Variants in DZIP3 observed in about 807,000 individuals in gnomAD.
DZIP3 encodes the protein E3 ubiquitin-protein ligase DZIP3.
Under a neutral mutation model 162.0 loss-of-function variants are expected in DZIP3, and 118 were observed. The ratio of observed to expected loss-of-function variants is 0.73; its 90% CI spans 0.63 to 0.85. The LOEUF (loss-of-function observed/expected upper bound fraction) is 0.85. Ranked by LOEUF, DZIP3 falls within the 40% of genes least tolerant of loss-of-function variation. DZIP3 has a pLI of 0.00. For synonymous variants in DZIP3, 438 were observed against 458.6 expected, an observed-to-expected ratio of 0.96 and a Z score of 0.57; for missense variants, 1,331 against 1,407.0, an observed-to-expected ratio of 0.95 and a Z score of 0.86.
At chr3:108,607,675 G>A (rs923820951) in intron 2 of DZIP3, among the ~76,000 whole-genome samples, 1 of 152,066 alleles carries the variant, frequency 6.6e-6, no homozygotes, top group Admixed American at 6.6e-5. Flanking sequence ...TGTAAGTTTA[G>A]GAACCCCAAA....
At chr3:108,668,790 A>G (rs1463645796) in intron 21 of DZIP3, among the ~76,000 whole-genome samples, 2 of 151,966 alleles carry the variant, frequency 1.3e-5, no homozygotes, top group Non-Finnish European at 2.9e-5. Context: ...AGTCTCTGAA[A>G]TCTGGTAGTG....
At chr3:108,595,219 G>A (rs1939647430) in intron 1 of DZIP3, among the ~76,000 whole-genome samples, 1 of 152,070 alleles carries the variant, frequency 6.6e-6, no homozygotes, top group African/African-American at 2.4e-5. Context: ...TGTTGTTGTT[G>A]TTGTTGTTTT....
chr3:108,631,962 T>C (rs963533079), intron 8 of DZIP3, among the ~76,000 whole-genome samples: 4 of 152,094 alleles, frequency 2.6e-5, no homozygotes, highest in Admixed American at 2.6e-4. Flanking sequence ...ACTGAGTCTC[T>C]AATTTTCTTA....
chr3:108,617,138 C>T (rs1559729804), intron 5 of DZIP3, among the ~76,000 whole-genome samples: 1 of 151,880 alleles, frequency 6.6e-6, no homozygotes, highest in Non-Finnish European at 1.5e-5. Flanking sequence ...AGATGTTGGT[C>T]AAAAGATACA....
chr3:108,674,484 A>G (rs1382071571), intron 24 of DZIP3, among the ~76,000 whole-genome samples: 2 of 151,934 alleles, frequency 1.3e-5, no homozygotes, highest in African/African-American at 2.4e-5. Flanking sequence ...ATGTACAATA[A>G]TAGCTGCTGA....
intron 26 of DZIP3, among the ~76,000 whole-genome samples, chr3:108,682,316 C>T (rs1944349765): frequency 6.6e-6 from 1 of 150,946 alleles, no homozygotes; most frequent in Non-Finnish European, 1.5e-5. Flanking sequence ...GAAGAGACAC[C>T]TGCACTCCTA....
chr3:108,589,617 C>T, upstream of DZIP3: 1 of 383,786 alleles, frequency 2.6e-6, no homozygotes, highest in Non-Finnish European at 4.8e-6. Context: ...CCCGCTAACC[C>T]ACCCTCGTCT....
In DZIP3 at chr3:108,654,624, A is replaced by T. The variant is rs539305946; in HGVS notation, c.2199+314A>T. ...ACAAAGGAAAAAAAAAGACTAGCAT[A>T]ATCCTACTAGATTACATGTCATGAG... On this transcript the variant is annotated intron_variant, in intron 19 of 32. Coordinates refer to ENST00000361582, the MANE Select transcript of DZIP3 (RefSeq NM_014648.4). 8.5e-5 allele frequency among the ~76,000 whole-genome samples: 13 copies of T among 152,308 alleles called. No homozygotes were observed. In the East Asian group the frequency reaches 2.5e-3, roughly 29 times the overall value.
rs1408061260 is a variant in DZIP3, at chr3:108,636,676, C to A, written c.979C>A (p.Gln327Lys). The change falls in exon 11 of 33, where the codon CAA becomes AAA. Residue 327 changes from glutamine to lysine, a missense_variant. By Grantham distance (53) the Gln-to-Lys change is moderately conservative. Transcript: ENST00000361582. ...GCTGDMVRML[Q>K]CDVPGIVKIL... ...TACAGGTGACATGGTAAGGATGCTG[C>A]AATGTGATGTACCTGGAATTGTTAA... The A allele has an allele frequency of 1.9e-6, 3 of 1,584,694 alleles. No homozygotes were observed. Among genetic ancestry groups the A allele is most frequent in the Non-Finnish European group, 1.7e-6 (2 of 1,170,842 alleles).
At chr3:108,597,239 C>T (rs757152460) in intron 1 of DZIP3, among the ~76,000 whole-genome samples, 2 of 152,298 alleles carry the variant, frequency 1.3e-5, no homozygotes, top group Non-Finnish European at 2.9e-5. Context: ...TTTCACTTTT[C>T]AAACAGTTTC....
intron 31 of DZIP3, 114 bp downstream of exon 31, chr3:108,689,038 C>G (rs1255448755): frequency 5.8e-6 from 6 of 1,033,112 alleles, no homozygotes; most frequent in Non-Finnish European, 5.8e-6. Context: ...CTGGATATAA[C>G]TCTGAGCTTT....
At chr3:108,602,770 G>C (rs1393226188) in intron 1 of DZIP3, 1 of 152,092 alleles carries the variant, frequency 6.6e-6, no homozygotes, top group Non-Finnish European at 1.5e-5. Flanking sequence ...CGCCTTTCTC[G>C]CAACAGAGGC....
chr3:108,632,002 G>A (rs1396724458), intron 8 of DZIP3, among the ~76,000 whole-genome samples: 1 of 151,516 alleles, frequency 6.6e-6, no homozygotes, highest in African/African-American at 2.4e-5. Flanking sequence ...CTACTGTCTG[G>A]GAAATTTTCT....
chr3:108,595,270 T>C (rs1346869727), intron 1 of DZIP3, among the ~76,000 whole-genome samples: 2 of 152,150 alleles, frequency 1.3e-5, no homozygotes, highest in Non-Finnish European at 2.9e-5. Flanking sequence ...CAGACTGGAG[T>C]GCAGTGGCAT....
At chr3:108,592,396 G>C (rs1939471992) in intron 1 of DZIP3, among the ~76,000 whole-genome samples, 1 of 152,082 alleles carries the variant, frequency 6.6e-6, no homozygotes, top group South Asian at 2.1e-4. Context: ...TTAGTTAATA[G>C]AAAGTATTAA....
upstream of DZIP3, chr3:108,589,605 C>T: frequency 5.0e-6 from 2 of 398,286 alleles, no homozygotes; most frequent in East Asian, 4.2e-5. Flanking sequence ...TTGGGAGCTG[C>T]CCCCGCTAAC....
chr3:108,616,683 G>T (rs1435046973), intron 5 of DZIP3, 26 bp downstream of exon 5: 1 of 1,477,776 alleles, frequency 6.8e-7, no homozygotes, highest in Non-Finnish European at 9.3e-7. Flanking sequence ...TTGGAAATTT[G>T]ATATAATGGA....
chr3:108,688,741 G>A lies in DZIP3; in HGVS notation c.3414+5G>A, dbSNP rs1191854391. 1 of 1,613,712 alleles carries A rather than the reference G, an allele frequency of 6.2e-7. No homozygotes were observed. Among genetic ancestry groups the A allele is most frequent in the South Asian group, 1.1e-5 (1 of 91,042 alleles). On this transcript the variant is annotated splice_donor_5th_base_variant and intron_variant, in intron 30 of 32. Transcript: ENST00000361582. ...TGGGAAGGAGCCAGTAATCCAGTGA[G>A]ACTGAAATTTTTGATTCTGAACACA...
intron 15 of DZIP3, among the ~76,000 whole-genome samples, 175 bp from the exon 16 acceptor site, chr3:108,647,768 A>G (rs961866445): frequency 1.3e-5 from 2 of 152,170 alleles, no homozygotes; most frequent in Non-Finnish European, 2.9e-5. Context: ...GTGTTTGTAC[A>G]TATTATTTGG....
Sources: gnomAD v4.1 joint callset for allele counts (sites outside exome capture counted in the v4.1 genomes callset) on GRCh38, gnomAD v4.1.1 for gene constraint, MANE v1.5 for transcripts, NCBI Gene and HGNC (gene_info 2026-07-23, HGNC 2026-07-21) for gene names.